FAM114A2: variants seen among roughly 807,000 people sequenced by gnomAD.
The protein encoded by FAM114A2 is protein FAM114A2.
In FAM114A2, 53 loss-of-function variants were observed where a neutral mutation model predicts 58.4. The observed-to-expected ratio is 0.91, with a 90% CI of 0.73 to 1.14. The LOEUF is 1.14. Among genes scored for constraint, FAM114A2 ranks in the 50% most tolerant of loss-of-function variants. FAM114A2 has a pLI of 0.00. For missense variants in FAM114A2, 601 were observed against 581.1 expected, an observed-to-expected ratio of 1.03 and a Z score of -0.35; for synonymous variants, 228 against 211.4, an observed-to-expected ratio of 1.08 and a Z score of -0.68.
At chr5:153,995,057 C>A in intron 12 of FAM114A2, 85 bp from the exon 13 acceptor site, 1 of 814,082 alleles carries the variant, frequency 1.2e-6, no homozygotes, top group Non-Finnish European at 2.2e-6. Context: ...AACACACACA[C>A]ACACCCATAC....
intron 4 of FAM114A2, among the ~76,000 whole-genome samples, chr5:154,032,766 GA>G (rs1326008410): frequency 6.6e-6 from 1 of 152,140 alleles, no homozygotes; most frequent in African/African-American, 2.4e-5. Context: ...CAACCATAAA[GA>G]AACTATAAAG....
rs1772801198 is a variant in FAM114A2 at position 154,038,874 on chromosome 5, TCAGCACAGCCACGG to T, written c.-46_-33del. 1 of 152,480 alleles carries T rather than the reference TCAGCACAGCCACGG, an allele frequency of 6.6e-6. No individual in the cohort carries two copies. Among genetic ancestry groups the T allele is most frequent in the Non-Finnish European group, 1.5e-5 (1 of 68,316 alleles). The allele number at this position is 152,480 out of a possible 1,614,324, so 9.4% of individuals were successfully genotyped here. ...CTCCGCACCTATCCGGCCGCCACCCTCAGCACAGCCACGGCAGCCGACTCGGCGTTCCTACTGCC... is the reference window on the plus strand; with the variant it reads ...CTCCGCACCTATCCGGCCGCCACCCTCAGCCGACTCGGCGTTCCTACTGCC... On this transcript the variant is annotated 5_prime_UTR_variant, in exon 1 of 14. Coordinates refer to ENST00000351797, the MANE Select transcript of FAM114A2 (RefSeq NM_018691.4).
intron 1 of FAM114A2, 36 bp from the exon 2 acceptor site, chr5:154,035,003 G>T: frequency 7.8e-7 from 1 of 1,284,292 alleles, no homozygotes; most frequent in South Asian, 1.3e-5. Context: ...ATTTATATAG[G>T]CTTCTTTGGT....
At chr5:154,006,450 ATAGT>A (rs1163140960) in intron 9 of FAM114A2, among the ~76,000 whole-genome samples, 4 of 152,202 alleles carry the variant, frequency 2.6e-5, no homozygotes, top group Non-Finnish European at 5.9e-5. Context: ...GGCCATACAA[ATAGT>A]TAGGCAAAGA....
intron 4 of FAM114A2, among the ~76,000 whole-genome samples, chr5:154,031,544 TTAGAAGA>T (rs1170078239): frequency 6.6e-6 from 1 of 152,138 alleles, no homozygotes; most frequent in African/African-American, 2.4e-5. Context: ...CTCAGGAACT[TTAGAAGA>T]TAGAAGGGGT....
chr5:153,997,671 C>T (rs888921757), intron 12 of FAM114A2, 132 bp downstream of exon 12: 40 of 615,622 alleles, frequency 6.5e-5, no homozygotes, highest in Middle Eastern at 5.4e-4. Flanking sequence ...TGGAAATGGC[C>T]GCGCAACTCT....
chr5:154,028,109 A>G (rs1223811944), intron 6 of FAM114A2, 40 bp downstream of exon 6: 1 of 1,547,742 alleles, frequency 6.5e-7, no homozygotes, highest in Admixed American at 1.9e-5. Flanking sequence ...ATACAGATCA[A>G]AACAGAAACA....
In FAM114A2 at chr5:153,991,712, G is replaced by C. The variant is rs1487754575; in HGVS notation, c.*1264C>G. On this transcript the variant is annotated 3_prime_UTR_variant, in exon 14 of 14. Transcript: ENST00000351797. ...TTGCTATTTTTTTTTTTTTTTTTTG[G>C]TCTAAGTAAGATATTAGGGCTCGTG... The C allele has an allele frequency of 7.9e-6, 1 of 126,528 alleles. No individual in the cohort carries two copies. The highest frequency in any genetic ancestry group is 2.1e-4 in the East Asian group (1 of 4,676). 7.8% of individuals were successfully genotyped at this position (126,528 alleles called of 1,614,324 possible). A position where few individuals can be genotyped will look rare whatever the true frequency, so the allele number is the denominator to read the frequency against.
At chr5:154,025,146 A>C (rs1163370991) in intron 8 of FAM114A2, among the ~76,000 whole-genome samples, 1 of 152,174 alleles carries the variant, frequency 6.6e-6, no homozygotes, top group Non-Finnish European at 1.5e-5. Flanking sequence ...CAACTCAAAT[A>C]ATGTAAGTGC....
Position 154,028,265 on chromosome 5 carries a change from C to T in FAM114A2, c.514G>A (p.Gly172Arg). Reference sequence around the variant, plus strand: ...ATGAATTCTAAGGCATCCAAACCCCCACTTATAACACTCTTTCCCTAGAAA... The same window carrying T: ...ATGAATTCTAAGGCATCCAAACCCCTACTTATAACACTCTTTCCCTAGAAA... ...VQSTGKSVIS[G>R]GLDALEFIGK... Residue 172 changes from glycine to arginine, a missense_variant, in exon 6 of 14, where the codon GGG (glycine) becomes AGG (arginine). By Grantham distance (125) the Gly-to-Arg change is moderately radical. Transcript: ENST00000351797. 2 of 1,600,522 alleles carry T rather than the reference C, an allele frequency of 1.2e-6. No individual in the cohort carries two copies. The highest frequency in any genetic ancestry group is 1.7e-6 in the Non-Finnish European group (2 of 1,169,798).
intron 11 of FAM114A2, among the ~76,000 whole-genome samples, chr5:154,001,042 T>G (rs1279846978): frequency 2.0e-5 from 3 of 152,158 alleles, no homozygotes; most frequent in Non-Finnish European, 4.4e-5. Context: ...TTACCTAAAG[T>G]CTTGTGTGTG....
intron 9 of FAM114A2, 37 bp from the exon 10 acceptor site, chr5:154,003,006 T>C (rs980352378): frequency 2.5e-6 from 4 of 1,606,778 alleles, no homozygotes; most frequent in Non-Finnish European, 3.4e-6. Flanking sequence ...ACAATTCAAT[T>C]CAGTTTACCA....
At position 153,993,033 on chromosome 5, in the gene FAM114A2, G is replaced by C. The variant is rs981152427; in HGVS notation, c.1461C>G (p.Asn487Lys). 1.9e-6 allele frequency: 3 copies of C among 1,613,480 alleles called. No individual in the cohort carries two copies. The South Asian group carries it at 3.3e-5, about 18-fold the overall frequency. ...GCTCATGTCTGTGTGATTCAATCTTGTTCTCAATGAGAGAGATCTCTAGCA... is the reference window on the plus strand; with the variant it reads ...GCTCATGTCTGTGTGATTCAATCTTCTTCTCAATGAGAGAGATCTCTAGCA... ...LPVLEISLIE[N>K]KIESHRHELQ... Residue 487 changes from asparagine to lysine, a missense_variant, in exon 14 of 14, where the codon AAC (asparagine) becomes AAG (lysine). Transcript: ENST00000351797.
intron 13 of FAM114A2, among the ~76,000 whole-genome samples, chr5:153,994,295 T>G (rs1181312777): frequency 6.6e-6 from 1 of 152,216 alleles, no homozygotes; most frequent in African/African-American, 2.4e-5. Context: ...AAACATGTTT[T>G]AAACAAATCA....
At chr5:154,034,001 C>T in intron 3 of FAM114A2, 118 bp from the exon 4 acceptor site, 1 of 696,644 alleles carries the variant, frequency 1.4e-6, no homozygotes, top group Non-Finnish European at 2.5e-6. Flanking sequence ...TTTGACAATA[C>T]ATAACTAATC....
intron 13 of FAM114A2, chr5:153,994,652 T>C (rs1209542197): frequency 3.2e-6 from 1 of 314,692 alleles, no homozygotes; most frequent in Non-Finnish European, 6.0e-6. Flanking sequence ...GTTTCATTAC[T>C]GTGAACCGTC....
Position 153,990,542 on chromosome 5 carries a change from T to A in FAM114A2, c.*2434A>T, listed in dbSNP as rs923525497. 5.3e-5 allele frequency: 8 copies of A among 150,934 alleles called. No individual in the cohort carries two copies. The highest frequency in any genetic ancestry group is 3.3e-4 in the Admixed American group (5 of 15,176). The allele number at this position is 150,934 out of a possible 1,614,324, so 9.3% of individuals were successfully genotyped here. On this transcript the variant is annotated 3_prime_UTR_variant, in exon 14 of 14. Transcript: ENST00000351797. ...CTATCAAAAGCAAGTAAGGAAAATA[T>A]AGCTTGTCCTTAACACATTTCTAAG...
intron 9 of FAM114A2, among the ~76,000 whole-genome samples, chr5:154,009,274 C>A (rs1770544258): frequency 6.6e-6 from 1 of 152,028 alleles, no homozygotes; most frequent in Non-Finnish European, 1.5e-5. Context: ...TGGAGGCATG[C>A]CACCTAGGAG....
intron 8 of FAM114A2, among the ~76,000 whole-genome samples, chr5:154,022,438 A>C (rs1419523011): frequency 2.6e-5 from 4 of 152,224 alleles, no homozygotes; most frequent in Middle Eastern, 3.2e-3. Context: ...CAAATTTACA[A>C]GAAAAAATCA....
Sources: allele counts gnomAD v4.1 joint callset (sites outside exome capture counted in the v4.1 genomes callset), GRCh38; gene constraint gnomAD v4.1.1; transcripts MANE v1.5; gene names NCBI Gene and HGNC (gene_info 2026-07-23, HGNC 2026-07-21).